LARP1: variants seen among roughly 807,000 people sequenced by gnomAD.
LARP1 encodes the protein la-related protein 1.
Under a neutral mutation model 122.7 loss-of-function variants are expected in LARP1, and 36 were observed. That is an observed-to-expected ratio of 0.29 (90% CI 0.22 to 0.39). LARP1 has a LOEUF of 0.39. Among genes scored for constraint, LARP1 ranks in the 10% least tolerant of loss-of-function variants. The probability of loss-of-function intolerance (pLI) is 1.00; values close to 1 mark genes in which losing one functional copy is unlikely to be tolerated. For synonymous variants in LARP1, 539 were observed against 528.7 expected (o/e 1.02, Z -0.27); for missense variants, 1,040 against 1,403.6 (o/e 0.74, Z 4.14).
In LARP1 at chr5:154,793,896, C is replaced by A. The variant is rs1561611872; in HGVS notation, c.965C>A (p.Thr322Lys). ...CCTGCCTGGCACGACCAGGATGAGA[C>A]ATCGAGTGTGAAGAGTGATGGGGCT... The part of the protein sequence containing the change: ...PEPAWHDQDE[T>K]SSVKSDGAGG... Residue 322 changes from threonine to lysine, a missense_variant, in exon 6 of 19, where the codon ACA becomes AAA. This residue lies in a region of LARP1 where 178 missense variants were observed against 178.3 expected (regional missense o/e 1.00). Transcript: ENST00000518297. 2 of 1,614,176 alleles carry A rather than the reference C, an allele frequency of 1.2e-6. No individual in the cohort carries two copies. The highest frequency in any genetic ancestry group is 3.3e-5 in the Admixed American group (2 of 60,020).
intron 1 of LARP1, among the ~76,000 whole-genome samples, chr5:154,698,366 G>A (rs1390973477): frequency 6.6e-6 from 1 of 152,202 alleles, no homozygotes; most frequent in Non-Finnish European, 1.5e-5. Flanking sequence ...GGAGGCCGAG[G>A]AGGGTGGATC....
intron 1 of LARP1, among the ~76,000 whole-genome samples, chr5:154,763,165 AT>A (rs1754614780): frequency 6.7e-6 from 1 of 150,298 alleles, no homozygotes; most frequent in Non-Finnish European, 1.5e-5. Context: ...GGTTCAAGCG[AT>A]TCTCCTGCCT....
chr5:154,762,767 C>T (rs1740826860), intron 1 of LARP1, among the ~76,000 whole-genome samples: 1 of 152,188 alleles, frequency 6.6e-6, no homozygotes, highest in Non-Finnish European at 1.5e-5. Context: ...AACCACCTTA[C>T]TCTCAAGACA....
At position 154,795,716 on chromosome 5, in the gene LARP1, C is replaced by T. The variant is rs114250904; in HGVS notation, c.1377+397C>T. Reference sequence around the variant, plus strand: ...AGATAGACTTGTTAAAAGAAAATAGCCACAGTATCATTATCATACCTAAAT... The same window carrying T: ...AGATAGACTTGTTAAAAGAAAATAGTCACAGTATCATTATCATACCTAAAT... On this transcript the variant is annotated intron_variant, in intron 8 of 18. Coordinates refer to ENST00000518297, the MANE Select transcript of LARP1 (RefSeq NM_033551.3). 8.1e-3 allele frequency among the ~76,000 whole-genome samples: 1,217 copies of T among 149,694 alleles called. 10 individuals carry two copies. Among genetic ancestry groups the T allele is most frequent in the African/African-American group, 0.028 (1,159 of 40,674 alleles).
intron 1 of LARP1, among the ~76,000 whole-genome samples, chr5:154,789,159 C>T (rs373742499): frequency 1.0e-4 from 15 of 148,250 alleles, no homozygotes; most frequent in African/African-American, 3.0e-4. Flanking sequence ...TGCAGTGAGC[C>T]GAGATGGCGC....
upstream of LARP1, among the ~76,000 whole-genome samples, chr5:154,708,069 T>C (rs1357685911): frequency 6.6e-6 from 1 of 152,210 alleles, no homozygotes; most frequent in African/African-American, 2.4e-5. Context: ...CGCGGATCCA[T>C]TCCTTCCCAG....
chr5:154,791,465 T>C (rs1207973561), intron 3 of LARP1, among the ~76,000 whole-genome samples: 1 of 152,184 alleles, frequency 6.6e-6, no homozygotes, highest in Admixed American at 6.5e-5. Flanking sequence ...CGCCTCGGCC[T>C]CCCAAAGTGC....
intron 16 of LARP1, among the ~76,000 whole-genome samples, chr5:154,809,897 C>T (rs1488769590): frequency 1.3e-5 from 2 of 151,502 alleles, no homozygotes; most frequent in African/African-American, 2.4e-5. Flanking sequence ...TTAGTAGAGA[C>T]GAGGTTTCGC....
intron 1 of LARP1, among the ~76,000 whole-genome samples, chr5:154,747,325 AAG>A (rs1753247547): frequency 6.6e-6 from 1 of 151,040 alleles, no homozygotes; most frequent in South Asian, 2.1e-4. Flanking sequence ...AAAAAAGAAA[AAG>A]AAAAAAGGCT....
intron 1 of LARP1, among the ~76,000 whole-genome samples, chr5:154,779,011 C>T (rs974438259): frequency 1.3e-5 from 2 of 151,838 alleles, no homozygotes; most frequent in African/African-American, 4.8e-5. Context: ...ATCTGGCAAC[C>T]ATATTCTCTC....
At chr5:154,704,029 G>A (rs1754837444) in intron 1 of LARP1, among the ~76,000 whole-genome samples, 1 of 152,158 alleles carries the variant, frequency 6.6e-6, no homozygotes, top group Admixed American at 6.6e-5. Context: ...ACAACACTAG[G>A]GGCAATGTAT....
intron 1 of LARP1, among the ~76,000 whole-genome samples, chr5:154,685,541 G>A (rs145804747): frequency 2.1e-3 from 317 of 152,306 alleles, no homozygotes; most frequent in Middle Eastern, 3.4e-3. Context: ...AAAGTGGGGA[G>A]CAGGGAACAT....
chr5:154,701,200 A>G (rs1384766267), intron 1 of LARP1, among the ~76,000 whole-genome samples: 1 of 151,946 alleles, frequency 6.6e-6, no homozygotes, highest in Non-Finnish European at 1.5e-5. Context: ...CCTTACCCTT[A>G]CCTGGGCCCT....
At chr5:154,792,081 G>A in intron 3 of LARP1, 1 of 428,646 alleles carries the variant, frequency 2.3e-6, no homozygotes, top group South Asian at 1.6e-5. Context: ...TGAAGTAGGA[G>A]AGTGGTCATT....
At chr5:154,810,013 T>A (rs111367008) in intron 16 of LARP1, among the ~76,000 whole-genome samples, 2,908 of 152,224 alleles carry the variant, frequency 0.019, 89 homozygotes, top group African/African-American at 0.067. Flanking sequence ...GCCTTACTAT[T>A]AATTTCTAAT....
Position 154,732,665 on chromosome 5 carries a change from G to T in LARP1, c.205+19535G>T, listed in dbSNP as rs112529165. Among the ~76,000 whole-genome samples, 1,093 of 151,990 alleles carry T rather than the reference G, an allele frequency of 7.2e-3. 15 individuals carry two copies. The highest frequency in any genetic ancestry group is 0.025 in the African/African-American group (1,044 of 41,284). ...AGATTTAGATCTATTCATGTGTCTG[G>T]TGGGCAAAATATTCATCCTATAGGA... is the stretch of plus-strand genomic sequence containing the variant. On this transcript the variant is annotated intron_variant, in intron 1 of 18. Coordinates refer to the LARP1 transcript ENST00000336314.
intron 1 of LARP1, among the ~76,000 whole-genome samples, chr5:154,704,650 A>C (rs1754865168): frequency 6.7e-6 from 1 of 149,770 alleles, no homozygotes. Context: ...CCTGTCTCAA[A>C]AAAAAAAAAA....
At chr5:154,705,288 G>A (rs1582168511) in intron 1 of LARP1, among the ~76,000 whole-genome samples, 1 of 152,244 alleles carries the variant, frequency 6.6e-6, no homozygotes, top group Admixed American at 6.5e-5. Flanking sequence ...TTATTAAAAA[G>A]TTAAAAAATA....
intron 1 of LARP1, among the ~76,000 whole-genome samples, chr5:154,780,025 A>C (rs920978440): frequency 2.6e-5 from 4 of 151,992 alleles, no homozygotes; most frequent in African/African-American, 9.7e-5. Flanking sequence ...GCAAATTAGC[A>C]GCTCCTGGGA....
Sources: gnomAD v4.1 joint callset for allele counts (sites outside exome capture counted in the v4.1 genomes callset) on GRCh38, gnomAD v4.1.1 for gene constraint, gnomAD v4.1.1 regional missense constraint, MANE v1.5 for transcripts, NCBI Gene and HGNC (gene_info 2026-07-23, HGNC 2026-07-21) for gene names.